PTPRD: variants seen among roughly 807,000 people sequenced by gnomAD.
The protein encoded by PTPRD is receptor-type tyrosine-protein phosphatase delta.
A neutral mutation model predicts 214.5 loss-of-function variants in PTPRD; 34 were observed. That is an observed-to-expected ratio of 0.16 (90% confidence interval 0.12 to 0.21). The LOEUF (loss-of-function observed/expected upper bound fraction) is 0.21, where lower values mean the gene tolerates loss of function less well. Ranked by LOEUF, PTPRD falls within the 10% of genes least tolerant of loss-of-function variation. The pLI is 1.00. For missense variants in PTPRD, 2,545 were observed against 2,398.7 expected, an observed-to-expected ratio of 1.06 and a Z score of -1.27; for synonymous variants, 1,128 against 845.7, an observed-to-expected ratio of 1.33 and a Z score of -5.79.
intron 2 of PTPRD, among the ~76,000 whole-genome samples, chr9:10,497,477 A>G (rs548666539): frequency 8.3e-4 from 127 of 152,138 alleles, no homozygotes; most frequent in Non-Finnish European, 1.2e-3. Context: ...AATTTAATGA[A>G]TGATTGCAGG....
intron 2 of PTPRD, among the ~76,000 whole-genome samples, chr9:10,547,365 C>A (rs1024585964): frequency 2.0e-5 from 3 of 151,648 alleles, no homozygotes; most frequent in African/African-American, 7.3e-5. Context: ...GTTTCCAGAA[C>A]TGCAAAACTT....
intron 3 of PTPRD, among the ~76,000 whole-genome samples, chr9:10,163,276 C>T (rs1436994256): frequency 6.6e-6 from 1 of 151,104 alleles, no homozygotes; most frequent in African/African-American, 2.4e-5. Context: ...ACCCTAAATC[C>T]ACCCTTCATT....
intron 36 of PTPRD, among the ~76,000 whole-genome samples, chr9:8,403,069 CA>C (rs1394017229): frequency 6.6e-6 from 1 of 151,886 alleles, no homozygotes; most frequent in African/African-American, 2.4e-5. Context: ...TTTTTCTTCC[CA>C]AAAAAACTGG....
At chr9:10,607,813 T>C (rs115118842) in intron 2 of PTPRD, among the ~76,000 whole-genome samples, 3,492 of 152,112 alleles carry the variant, frequency 0.023, 62 homozygotes, top group African/African-American at 0.047. Flanking sequence ...TTCTTTGTAT[T>C]CATTTTCCAT....
At chr9:8,946,827 T>G (rs2099067679) in intron 11 of PTPRD, among the ~76,000 whole-genome samples, 1 of 151,942 alleles carries the variant, frequency 6.6e-6, no homozygotes, top group Non-Finnish European at 1.5e-5. Context: ...TTTCCCCCCA[T>G]AATTTCTATT....
chr9:10,602,494 G>A (rs1332251580), intron 2 of PTPRD, among the ~76,000 whole-genome samples: 2 of 151,718 alleles, frequency 1.3e-5, no homozygotes, highest in Non-Finnish European at 2.9e-5. Context: ...TAAACCATGA[G>A]TTATGTTGTA....
chr9:9,148,361 T>C (rs972293321), intron 10 of PTPRD, among the ~76,000 whole-genome samples: 18 of 152,314 alleles, frequency 1.2e-4, no homozygotes, highest in Admixed American at 5.2e-4. Flanking sequence ...ATATAGTATG[T>C]TTCAATTATT....
Position 10,571,182 on chromosome 9 carries a change from T to C in PTPRD, c.-600+41216A>G, listed in dbSNP as rs11998814. 2.6e-5 allele frequency among the ~76,000 whole-genome samples: 4 copies of C among 152,244 alleles called. No individual in the cohort carries two copies. In the East Asian group the frequency reaches 7.7e-4, roughly 29 times the overall value. ...ATATGAGGTTAATTATTGACTGCAG[T>C]TTTTAAATCTGATTTTTCTTATGTG... On this transcript the variant is annotated intron_variant, in intron 2 of 45. Coordinates refer to ENST00000381196, the MANE Select transcript of PTPRD (RefSeq NM_002839.4).
intron 30 of PTPRD, 101 bp from the exon 31 acceptor site, chr9:8,471,186 A>G: frequency 3.4e-6 from 3 of 880,612 alleles, no homozygotes; most frequent in Non-Finnish European, 5.7e-6. Context: ...AAGGCAAATT[A>G]TGGATATGGG....
At chr9:9,606,771 G>C (rs913086035) in intron 7 of PTPRD, among the ~76,000 whole-genome samples, 2 of 151,678 alleles carry the variant, frequency 1.3e-5, no homozygotes, top group African/African-American at 4.8e-5. Flanking sequence ...TAAATGGGTA[G>C]ATAGAGGTGG....
At chr9:9,159,975 T>C (rs2099885016) in intron 10 of PTPRD, among the ~76,000 whole-genome samples, 1 of 152,132 alleles carries the variant, frequency 6.6e-6, no homozygotes, top group African/African-American at 2.4e-5. Context: ...TTTCCATCAG[T>C]GGTGTTGGAA....
intron 2 of PTPRD, among the ~76,000 whole-genome samples, chr9:10,491,471 A>G (rs1211547857): frequency 3.3e-5 from 5 of 152,148 alleles, no homozygotes; most frequent in Non-Finnish European, 7.3e-5. Context: ...CGAAGTAAAT[A>G]TCAATATGGA....
At chr9:9,766,752 T>C (rs1489238866) in intron 6 of PTPRD, 58 bp downstream of exon 6, 1 of 152,502 alleles carries the variant, frequency 6.6e-6, no homozygotes, top group Non-Finnish European at 1.5e-5. Context: ...ATTATTGTCA[T>C]AATATTTTTA....
At chr9:8,916,968 T>A (rs2154265908) in intron 11 of PTPRD, among the ~76,000 whole-genome samples, 1 of 152,112 alleles carries the variant, frequency 6.6e-6, no homozygotes, top group South Asian at 2.1e-4. Context: ...AAATTCTGCA[T>A]ATAATCGTGT....
intron 5 of PTPRD, among the ~76,000 whole-genome samples, chr9:9,839,935 GA>G (rs1419579942): frequency 4.6e-5 from 7 of 151,958 alleles, no homozygotes; most frequent in African/African-American, 1.7e-4. Context: ...CACACAAGTT[GA>G]AAATTTGTAT....
At chr9:8,978,492 G>T (rs1714087629) in intron 11 of PTPRD, among the ~76,000 whole-genome samples, 1 of 152,102 alleles carries the variant, frequency 6.6e-6, no homozygotes. Context: ...AGCATTATTA[G>T]GGTGCCTCTA....
At position 8,409,390 on chromosome 9, in the gene PTPRD, T is replaced by G. The variant is rs372621180; in HGVS notation, c.4087-4730A>C. Among the ~76,000 whole-genome samples, 387 of 152,262 alleles carry G rather than the reference T, an allele frequency of 2.5e-3. 1 individual carries two copies. The highest frequency in any genetic ancestry group is 8.9e-3 in the African/African-American group (368 of 41,556). On this transcript the variant is annotated intron_variant, in intron 35 of 45. Coordinates refer to ENST00000381196, the MANE Select transcript of PTPRD (RefSeq NM_002839.4). ...TCTAGTTAAGCTGGAGAAGATTCCT[T>G]GAAGGTTTCACACTTGCCTTTCAAC...
intron 11 of PTPRD, among the ~76,000 whole-genome samples, chr9:8,988,633 A>C (rs185359046): frequency 2.8e-4 from 43 of 152,262 alleles, no homozygotes; most frequent in African/African-American, 1.0e-3. Context: ...TTTACATAGA[A>C]ATGATTTAAC....
At chr9:10,172,573 C>T (rs12352128) in intron 3 of PTPRD, among the ~76,000 whole-genome samples, 45,896 of 152,032 alleles carry the variant, frequency 0.3, 7,060 homozygotes, top group South Asian at 0.39. Context: ...GCCATTCTAG[C>T]TCCTTCACAT....
Sources: allele counts gnomAD v4.1 joint callset (sites outside exome capture counted in the v4.1 genomes callset), GRCh38; gene constraint gnomAD v4.1.1; transcripts MANE v1.5; gene names NCBI Gene and HGNC (gene_info 2026-07-23, HGNC 2026-07-21).